DLGAP1: variants seen among roughly 807,000 people sequenced by gnomAD.
The protein encoded by DLGAP1 is disks large-associated protein 1.
A neutral mutation model predicts 90.8 loss-of-function variants in DLGAP1; 11 were observed. The ratio of observed to expected loss-of-function variants is 0.12; its 90% CI spans 0.08 to 0.20. The LOEUF (loss-of-function observed/expected upper bound fraction) is 0.20, where lower values mean the gene tolerates loss of function less well. Among genes scored for constraint, DLGAP1 ranks in the 10% least tolerant of loss-of-function variants. DLGAP1 has a pLI of 1.00. For synonymous variants in DLGAP1, 558 were observed against 540.7 expected (o/e 1.03, Z -0.44); for missense variants, 1,050 against 1,333.8 (o/e 0.79, Z 3.31).
At chr18:4,422,579 A>T (rs916345181) in intron 1 of DLGAP1, among the ~76,000 whole-genome samples, 4 of 152,024 alleles carry the variant, frequency 2.6e-5, no homozygotes, top group Admixed American at 6.5e-5. Context: ...AACTTCAGAC[A>T]TTTCAATGTA....
rs1568279611 is a variant in DLGAP1 at position 3,600,951 on chromosome 18, G to GATATATAGATAGATAT, written c.1592-18704_1592-18703insATATCTATCTATATAT. Among the ~76,000 whole-genome samples, 3 of 59,468 alleles carry GATATATAGATAGATAT rather than the reference G, an allele frequency of 5.0e-5. 1 individual carries two copies. The highest frequency in any genetic ancestry group is 2.1e-4 in the African/African-American group (3 of 14,282). 39.0% of individuals were successfully genotyped at this position (59,468 alleles called of 152,430 possible). ...ATATAGATATATAGATAGATATATA[G>GATATATAGATAGATAT]ATATATATAGATATATAGATAGATA... On this transcript the variant is annotated intron_variant, in intron 7 of 12. Transcript: ENST00000315677.
intron 7 of DLGAP1, chr18:3,596,989 T>TC (rs749118377): frequency 5.8e-6 from 3 of 519,734 alleles, no homozygotes; most frequent in Non-Finnish European, 1.2e-5. Context: ...CCACTTGGCC[T>TC]CCCCCACAGG....
At chr18:4,190,471 G>A (rs138187978) in intron 1 of DLGAP1, among the ~76,000 whole-genome samples, 8 of 152,156 alleles carry the variant, frequency 5.3e-5, no homozygotes, top group Middle Eastern at 3.4e-3. Context: ...TTATACACTC[G>A]TCAAAATCCA....
At chr18:3,898,059 G>A (rs1212810373) in intron 3 of DLGAP1, among the ~76,000 whole-genome samples, 2 of 152,172 alleles carry the variant, frequency 1.3e-5, no homozygotes, top group East Asian at 1.9e-4. Context: ...CTCCCAAAGT[G>A]CTGGGATTAC....
chr18:4,446,422 G>C (rs980691203), intron 1 of DLGAP1, among the ~76,000 whole-genome samples: 4 of 150,316 alleles, frequency 2.7e-5, no homozygotes, highest in African/African-American at 9.8e-5. Context: ...GGCATAAAAT[G>C]ATGAAGTTGT....
At chr18:4,404,837 T>C (rs887568928) in intron 1 of DLGAP1, among the ~76,000 whole-genome samples, 2 of 152,194 alleles carry the variant, frequency 1.3e-5, no homozygotes, top group African/African-American at 4.8e-5. Context: ...GGGCTGATTA[T>C]GTAAGGCACC....
chr18:3,589,359 C>G (rs1243029821), intron 7 of DLGAP1, among the ~76,000 whole-genome samples: 1 of 152,172 alleles, frequency 6.6e-6, no homozygotes, highest in Non-Finnish European at 1.5e-5. Flanking sequence ...GGCCACAAAA[C>G]AGATGTGAGA....
intron 2 of DLGAP1, among the ~76,000 whole-genome samples, chr18:4,079,293 A>T (rs1461389405): frequency 4.0e-5 from 1 of 25,140 alleles, no homozygotes; most frequent in Admixed American, 3.3e-4. Context: ...AATGTCACAC[A>T]CACACACACA....
intron 7 of DLGAP1, chr18:3,597,526 C>T (rs768034905): frequency 3.2e-5 from 10 of 313,568 alleles, no homozygotes; most frequent in African/African-American, 1.8e-4. Context: ...AATGAGAGTC[C>T]GGTCAGGCTG....
chr18:4,219,041 T>G (rs1277199201), intron 1 of DLGAP1, among the ~76,000 whole-genome samples: 3 of 149,688 alleles, frequency 2.0e-5, no homozygotes, highest in Non-Finnish European at 3.0e-5. Flanking sequence ...TTTTTTTTTT[T>G]TTTTTTTTTT....
intron 7 of DLGAP1, among the ~76,000 whole-genome samples, chr18:3,639,376 G>T (rs2058840444): frequency 6.6e-6 from 1 of 151,258 alleles, no homozygotes; most frequent in African/African-American, 2.4e-5. Context: ...GAAAAGAAAA[G>T]AAAAGAAAAG....
At chr18:3,927,179 T>C (rs780262389) in intron 3 of DLGAP1, among the ~76,000 whole-genome samples, 14 of 152,208 alleles carry the variant, frequency 9.2e-5, no homozygotes, top group Non-Finnish European at 2.1e-4. Flanking sequence ...AGGCTGGTAG[T>C]AATTGATTCA....
chr18:3,501,164 C>T (rs527236987), intron 12 of DLGAP1, among the ~76,000 whole-genome samples: 45 of 151,638 alleles, frequency 3.0e-4, no homozygotes, highest in African/African-American at 5.6e-4. Context: ...GTGATCCACC[C>T]GCCTCAGCCT....
chr18:4,199,790 T>C (rs959202742), intron 1 of DLGAP1, among the ~76,000 whole-genome samples: 1 of 152,214 alleles, frequency 6.6e-6, no homozygotes, highest in African/African-American at 2.4e-5. Flanking sequence ...ATGTTGGCAT[T>C]CTTGATGTTA....
intron 1 of DLGAP1, among the ~76,000 whole-genome samples, chr18:4,243,870 T>C (rs2078597176): frequency 6.6e-6 from 1 of 152,076 alleles, no homozygotes; most frequent in African/African-American, 2.4e-5. Flanking sequence ...CAAAATGGCA[T>C]TTAAAAATTA....
chr18:3,684,895 C>T (rs1315824479), intron 7 of DLGAP1, among the ~76,000 whole-genome samples: 1 of 152,208 alleles, frequency 6.6e-6, no homozygotes, highest in Non-Finnish European at 1.5e-5. Flanking sequence ...TTGATAAAGT[C>T]AAACAAGGAT....
intron 4 of DLGAP1, among the ~76,000 whole-genome samples, chr18:3,871,831 T>C (rs373043380): frequency 7.8e-4 from 119 of 152,316 alleles, no homozygotes; most frequent in African/African-American, 2.2e-3. Context: ...TTTAGAAGTA[T>C]TGTTGCAGGG....
chr18:3,835,146 A>G (rs1451012753), intron 4 of DLGAP1, among the ~76,000 whole-genome samples: 1 of 152,204 alleles, frequency 6.6e-6, no homozygotes. Context: ...ATGAGATAAA[A>G]TAGCTTATTT....
At chr18:3,543,263 C>T (rs1464828718) in intron 9 of DLGAP1, among the ~76,000 whole-genome samples, 15 of 149,880 alleles carry the variant, frequency 1.0e-4, no homozygotes, top group Admixed American at 9.3e-4. Flanking sequence ...CTCCGCCTCC[C>T]GCGTTCACGC....
Sources: allele counts gnomAD v4.1 joint callset (sites outside exome capture counted in the v4.1 genomes callset), GRCh38; gene constraint gnomAD v4.1.1; transcripts MANE v1.5; gene names NCBI Gene and HGNC (gene_info 2026-07-23, HGNC 2026-07-21).